The following EXOC3 variants were observed in gnomAD, a reference collection of about 807,000 sequenced individuals.
The protein encoded by EXOC3 is exocyst complex component 3, also known as SEC6-like 1.
Under a neutral mutation model 73.7 loss-of-function variants are expected in EXOC3, and 21 were observed. The ratio of observed to expected loss-of-function variants is 0.29; its 90% CI spans 0.20 to 0.41. The LOEUF (loss-of-function observed/expected upper bound fraction) is 0.41, where lower values mean the gene tolerates loss of function less well. EXOC3 is among the 10% of genes least tolerant of loss of function. EXOC3 has a pLI of 1.00. For synonymous variants in EXOC3, 410 were observed against 389.1 expected (o/e 1.05, Z -0.63); for missense variants, 842 against 985.1 (o/e 0.85, Z 1.95).
chr5:461,735 A>G, intron 7 of EXOC3: 1 of 537,188 alleles, frequency 1.9e-6, no homozygotes, highest in Non-Finnish European at 3.3e-6. Flanking sequence ...CTAATGAGCC[A>G]TATTTTAAAG....
intron 6 of EXOC3, among the ~76,000 whole-genome samples, 187 bp downstream of exon 6, chr5:458,212 C>G (rs923740280): frequency 6.6e-6 from 1 of 152,262 alleles, no homozygotes; most frequent in Non-Finnish European, 1.5e-5. Context: ...CTGCAGAAAC[C>G]TGGGATGATA....
chr5:446,045 G>A lies in EXOC3; in HGVS notation c.-56-105G>A. On this transcript the variant is annotated intron_variant, in intron 1 of 12. Transcript: ENST00000512944. The stretch of plus-strand genomic sequence containing the variant: ...AGTTCAGCTTTCTTTGAGGTTTCCT[G>A]GATTAATGATCTCAGAGGCTCTGCT... 3 of 749,542 alleles carry A rather than the reference G, an allele frequency of 4.0e-6. No individual in the cohort carries two copies. The South Asian group carries it at 5.2e-5, about 13-fold the overall frequency. The allele number at this position is 749,542 out of a possible 1,614,324, so 46.4% of individuals were successfully genotyped here.
At chr5:444,520 C>T (rs889113355) in intron 1 of EXOC3, among the ~76,000 whole-genome samples, 1 of 152,204 alleles carries the variant, frequency 6.6e-6, no homozygotes, top group Non-Finnish European at 1.5e-5. Context: ...TAATCAAAAT[C>T]ATACAGGCTT....
chr5:461,640 T>G, intron 7 of EXOC3: 1 of 296,704 alleles, frequency 3.4e-6, no homozygotes. Flanking sequence ...CAAGGTCTGA[T>G]TAGGTTACCC....
At chr5:464,521 G>C (rs1458151049) in intron 10 of EXOC3, 109 bp downstream of exon 10, 11 of 1,266,734 alleles carry the variant, frequency 8.7e-6, no homozygotes, top group East Asian at 2.4e-5. Flanking sequence ...ACGTTCACTT[G>C]TTGTCCTATC....
At position 465,081 on chromosome 5, in the gene EXOC3, G is replaced by GC. The variant is rs1279357285; in HGVS notation, c.1777-28dup. 3.3e-6 allele frequency: 5 copies of GC among 1,524,062 alleles called. No individual in the cohort carries two copies. The African/African-American group carries it at 5.5e-5, about 17-fold the overall frequency. The allele number at this position is 1,524,062 out of a possible 1,614,324, so 94.4% of individuals were successfully genotyped here. A position where few individuals can be genotyped will look rare whatever the true frequency, so the allele number is the denominator to read the frequency against. On this transcript the variant is annotated intron_variant, in intron 10 of 12. Coordinates refer to ENST00000512944, the MANE Select transcript of EXOC3 (RefSeq NM_007277.5). ...TGCTCCTGGCCGCCAGAGCCGTGGA[G>GC]CCTGCCGCTGACCGCGCGTGTCTCC...
chr5:446,114 T>A, intron 1 of EXOC3, 36 bp from the exon 2 acceptor site: 1 of 1,476,832 alleles, frequency 6.8e-7, no homozygotes, highest in South Asian at 1.1e-5. Flanking sequence ...GGAGGTTTTG[T>A]ACCTAACATT....
At chr5:452,443 C>T (rs1193490439) in intron 3 of EXOC3, among the ~76,000 whole-genome samples, 29 of 126,406 alleles carry the variant, frequency 2.3e-4, no homozygotes, top group Admixed American at 2.1e-3. Context: ...TCTTTCTTCA[C>T]ATCTTTAAGT....
chr5:465,149 G>T lies in EXOC3; in HGVS notation c.1815G>T (p.Glu605Asp). The change falls in exon 11 of 13, where the codon GAG becomes GAT. Residue 605 changes from glutamate to aspartate, a missense_variant. Physicochemically the swap from Glu to Asp is conservative, Grantham distance 45. Transcript: ENST00000512944. Reference protein sequence around the residue: ...TAEAHRRVVVEYLRAVMQKRI... With the variant: ...TAEAHRRVVVDYLRAVMQKRI... ...AGGCGCACCGGCGCGTGGTGGTGGA[G>T]TACCTGCGGGCGGTCATGCAGAAGC... 6.3e-7 allele frequency: 1 copy of T among 1,595,340 alleles called. No individual in the cohort carries two copies. Among genetic ancestry groups the T allele is most frequent in the South Asian group, 1.1e-5 (1 of 88,174 alleles).
intron 5 of EXOC3, chr5:457,271 C>G: frequency 2.1e-6 from 1 of 486,520 alleles, no homozygotes; most frequent in South Asian, 2.2e-5. Flanking sequence ...GGCCAGGGCC[C>G]AGAACGTCTG....
At chr5:459,055 G>A (rs934712680) in intron 6 of EXOC3, among the ~76,000 whole-genome samples, 19 of 152,142 alleles carry the variant, frequency 1.2e-4, no homozygotes, top group African/African-American at 4.6e-4. Context: ...TCCCGGGTGG[G>A]GCCTCACTCC....
chr5:459,632 C>A, intron 7 of EXOC3, 173 bp downstream of exon 7: 2 of 498,378 alleles, frequency 4.0e-6, no homozygotes, highest in South Asian at 5.8e-5. Flanking sequence ...GCTTCTGGAT[C>A]ATCTTCCCCT....
intron 9 of EXOC3, 89 bp downstream of exon 9, chr5:462,396 C>T (rs766249665): frequency 2.6e-5 from 38 of 1,448,120 alleles, no homozygotes; most frequent in African/African-American, 2.8e-5. Context: ...TGAACTGTAC[C>T]GTGCGGATGC....
intron 1 of EXOC3, among the ~76,000 whole-genome samples, chr5:444,186 G>T (rs1301235858): frequency 6.6e-6 from 1 of 152,252 alleles, no homozygotes; most frequent in Non-Finnish European, 1.5e-5. Context: ...AGTCAGAAAG[G>T]CCCTGGTAGG....
intron 3 of EXOC3, among the ~76,000 whole-genome samples, chr5:451,667 G>A (rs1560936164): frequency 6.6e-6 from 1 of 152,154 alleles, no homozygotes. Context: ...TCTTCACGTG[G>A]CTTCCAGTTG....
intron 9 of EXOC3, among the ~76,000 whole-genome samples, chr5:463,581 C>T (rs967873233): frequency 2.0e-5 from 3 of 152,202 alleles, no homozygotes; most frequent in Non-Finnish European, 4.4e-5. Context: ...TTTTTGAGGG[C>T]AGCTTGGAAA....
intron 3 of EXOC3, among the ~76,000 whole-genome samples, chr5:451,630 G>T (rs1737660598): frequency 6.6e-6 from 1 of 152,188 alleles, no homozygotes; most frequent in African/African-American, 2.4e-5. Flanking sequence ...GATTGTCCAT[G>T]AATTTACCTT....
intron 12 of EXOC3, chr5:466,063 T>C: frequency 2.9e-6 from 1 of 344,296 alleles, no homozygotes; most frequent in Non-Finnish European, 5.4e-6. Flanking sequence ...TGGGTGGAGC[T>C]CGAGGGGCAC....
intron 9 of EXOC3, 71 bp from the exon 10 acceptor site, chr5:464,219 C>G: frequency 2.7e-6 from 4 of 1,492,028 alleles, no homozygotes; most frequent in Non-Finnish European, 3.7e-6. Context: ...GGAAGTGCCT[C>G]CCTCCCACAT....
Sources: allele counts gnomAD v4.1 joint callset (sites outside exome capture counted in the v4.1 genomes callset), GRCh38; gene constraint gnomAD v4.1.1; transcripts MANE v1.5; gene names NCBI Gene and HGNC (gene_info 2026-07-23, HGNC 2026-07-21).